ZDHHC18: variants seen among roughly 807,000 people sequenced by gnomAD.
ZDHHC18 encodes zDHHC palmitoyltransferase 18, also known as palmitoyltransferase ZDHHC18.
In ZDHHC18, 23 loss-of-function variants were observed where a neutral mutation model predicts 37.5. The observed-to-expected ratio is 0.61, with a 90% confidence interval of 0.44 to 0.87. ZDHHC18 has a LOEUF of 0.87. Ranked by LOEUF, ZDHHC18 falls within the 40% of genes least tolerant of loss-of-function variation. The probability of loss-of-function intolerance (pLI) is 0.00; values close to 1 mark genes in which losing one functional copy is unlikely to be tolerated. For synonymous variants in ZDHHC18, 185 were observed against 218.7 expected (o/e 0.85, Z 1.36); for missense variants, 406 against 525.6 (o/e 0.77, Z 2.22).
At chr1:26,828,470 G>A (rs1440320049) in intron 1 of ZDHHC18, among the ~76,000 whole-genome samples, 1 of 151,868 alleles carries the variant, frequency 6.6e-6, no homozygotes, top group Non-Finnish European at 1.5e-5. Flanking sequence ...CAAGCTTTTA[G>A]CCCAGTAACA....
chr1:26,829,507 CT>C lies in ZDHHC18; in HGVS notation c.335+2369del, dbSNP rs373653382. Among the ~76,000 whole-genome samples the C allele has an allele frequency of 7.2e-5, 11 of 152,244 alleles. No homozygotes were observed. In the South Asian group the frequency reaches 1.2e-3, roughly 17 times the overall value. ...CTCACTCTCTCACATTAGGCCTCCC[CT>C]GTCCATCCGCACAGCATAGCAAACC... is the stretch of plus-strand genomic sequence containing the variant. On this transcript the variant is annotated intron_variant, in intron 1 of 7. Transcript: ENST00000374142.
At position 26,853,783 on chromosome 1, in the gene ZDHHC18, A is replaced by C; in HGVS notation, c.1107A>C (p.Arg369Ser). Residue 369 changes from arginine to serine, a missense_variant, in exon 8 of 8, where the codon AGA (arginine) becomes AGC (serine). Physicochemically the swap from Arg to Ser is moderately radical, Grantham distance 110. Coordinates refer to ENST00000374142, the MANE Select transcript of ZDHHC18 (RefSeq NM_032283.3). Reference sequence around the variant, plus strand: ...ACACCGTGTTGCCCTCACCCATCAGAAGCGATGAGCCAGCCTGCAGAGCCA... The same window carrying C: ...ACACCGTGTTGCCCTCACCCATCAGCAGCGATGAGCCAGCCTGCAGAGCCA... Reference protein sequence around the residue: ...QSDTVLPSPIRSDEPACRAKP... With the variant: ...QSDTVLPSPISSDEPACRAKP... 1 of 1,614,018 alleles carries C rather than the reference A, an allele frequency of 6.2e-7. No individual in the cohort carries two copies. The highest frequency in any genetic ancestry group is 1.1e-5 in the South Asian group (1 of 91,082).
In ZDHHC18 at chr1:26,853,688, G is replaced by C. The variant is rs756017841; in HGVS notation, c.1050-38G>C. Reference sequence around the variant, plus strand: ...ACCCCTGGCCTAGAGCCTCAGTGTTGGGCAGAGCCCTCATGTGTCTCCCTT... The same window carrying C: ...ACCCCTGGCCTAGAGCCTCAGTGTTCGGCAGAGCCCTCATGTGTCTCCCTT... On this transcript the variant is annotated intron_variant, in intron 7 of 7. Coordinates refer to ENST00000374142, the MANE Select transcript of ZDHHC18 (RefSeq NM_032283.3). 4 of 1,593,532 alleles carry C rather than the reference G, an allele frequency of 2.5e-6. No individual in the cohort carries two copies. In the East Asian group the frequency reaches 8.9e-5, roughly 36 times the overall value.
chr1:26,827,171 G>GC, intron 1 of ZDHHC18, 32 bp downstream of exon 1: 1 of 1,243,356 alleles, frequency 8.0e-7, no homozygotes, highest in Non-Finnish European at 1.0e-6. Context: ...CCCCCTCCCA[G>GC]CCCCCTGCCG....
At position 26,856,110 on chromosome 1, in the gene ZDHHC18, C is replaced by T. The variant is rs572584492; in HGVS notation, c.*2267C>T. 1 of 417,106 alleles carries T rather than the reference C, an allele frequency of 2.4e-6. No individual in the cohort carries two copies. The highest frequency in any genetic ancestry group is 5.1e-6 in the Non-Finnish European group (1 of 196,210). The allele number at this position is 417,106 out of a possible 1,614,324, so 25.8% of individuals were successfully genotyped here. ...TTGAGAGCCGGAGCTTCCCTGGCTA[C>T]CACCTCCAACCTGGGCACCAGGGCC... is the stretch of plus-strand genomic sequence containing the variant. On this transcript the variant is annotated 3_prime_UTR_variant, in exon 8 of 8. Transcript: ENST00000374142. This position sits in a 1 kb window ranked among gnomAD's most constrained non-coding sequence, Gnocchi z 5.2.
Position 26,851,192 on chromosome 1 carries a change from CACGT to C in ZDHHC18, c.900_903del (p.Tyr301SerfsTer6). ...CCATTCTGGGCCTCTCAGGGTTTCACACGTACCTCGTCGCCTCCAACCTGACTAC... is the reference window on the plus strand; with the variant it reads ...CCATTCTGGGCCTCTCAGGGTTTCACACCTCGTCGCCTCCAACCTGACTAC... On this transcript the variant is annotated frameshift_variant, in exon 6 of 8. Transcript: ENST00000374142. LOFTEE classifies it high-confidence loss of function. The C allele has an allele frequency of 6.2e-7, 1 of 1,614,220 alleles. No individual in the cohort carries two copies. The highest frequency in any genetic ancestry group is 8.5e-7 in the Non-Finnish European group (1 of 1,180,026).
rs1426520972 is a variant in ZDHHC18, at chr1:26,848,672, G to A, written c.561G>A (p.Gln187=). 1 of 1,613,992 alleles carries A rather than the reference G, an allele frequency of 6.2e-7. No individual in the cohort carries two copies. The highest frequency in any genetic ancestry group is 1.3e-5 in the African/African-American group (1 of 74,920). Residue 187 remains glutamine, a synonymous_variant, in exon 3 of 8, where the codon CAG becomes CAA. Coordinates refer to ENST00000374142, the MANE Select transcript of ZDHHC18 (RefSeq NM_032283.3). The part of the protein sequence containing the change: ...PRTREVLING[Q]MVKLKYCFTC... ...CCCGGGAGGTGCTGATCAACGGGCA[G>A]ATGGTGAAGCTGAAGTACTGCTTCA...
intron 6 of ZDHHC18, among the ~76,000 whole-genome samples, chr1:26,851,799 T>C (rs1296303065): frequency 6.6e-6 from 1 of 152,176 alleles, no homozygotes; most frequent in Non-Finnish European, 1.5e-5. Flanking sequence ...CCCCTCTCAA[T>C]ATGCACGCCT....
chr1:26,850,547 T>C lies in ZDHHC18; in HGVS notation c.785-11T>C. The C allele has an allele frequency of 6.2e-7, 1 of 1,614,174 alleles. No individual in the cohort carries two copies. The highest frequency in any genetic ancestry group is 8.5e-7 in the Non-Finnish European group (1 of 1,180,016). On this transcript the variant is annotated splice_polypyrimidine_tract_variant and intron_variant, in intron 4 of 7. Coordinates refer to ENST00000374142, the MANE Select transcript of ZDHHC18 (RefSeq NM_032283.3). The surrounding 1 kb of genome is among the most constrained non-coding windows in gnomAD (Gnocchi z 6.1). ...CTCTGAGCTTGTCCTCTCCTGTTTC[T>C]TTCTCCCCAGGCGCTCAGGGAAGCA...
chr1:26,840,797 G>A (rs2081635103), intron 2 of ZDHHC18, among the ~76,000 whole-genome samples: 1 of 152,156 alleles, frequency 6.6e-6, no homozygotes, highest in Non-Finnish European at 1.5e-5. Flanking sequence ...CTGTCACCCA[G>A]GCTGGAATGC....
At chr1:26,851,044 C>A in intron 5 of ZDHHC18, 85 bp from the exon 6 acceptor site, 1 of 1,298,860 alleles carries the variant, frequency 7.7e-7, no homozygotes, top group Admixed American at 1.7e-5. Flanking sequence ...GGGGAAACAG[C>A]TCCATGGAAG....
At chr1:26,852,969 C>T in intron 7 of ZDHHC18, 104 bp downstream of exon 7, 1 of 897,724 alleles carries the variant, frequency 1.1e-6, no homozygotes, top group Non-Finnish European at 1.7e-6. Flanking sequence ...TAGATGCCCT[C>T]CGTCCACTAC....
rs114759298 is a variant in ZDHHC18, at chr1:26,851,561, C to T, written c.936+330C>T. On this transcript the variant is annotated intron_variant, in intron 6 of 7. Transcript: ENST00000374142. Reference sequence around the variant, plus strand: ...CCGCTTACAGAATTCTTTCAGTTCCCGTCATTTCTTTGGGTCCTTTTGCCA... The same window carrying T: ...CCGCTTACAGAATTCTTTCAGTTCCTGTCATTTCTTTGGGTCCTTTTGCCA... 5.2e-3 allele frequency among the ~76,000 whole-genome samples: 796 copies of T among 152,314 alleles called. 6 individuals carry two copies. The highest frequency in any genetic ancestry group is 7.9e-3 in the Non-Finnish European group (539 of 68,014).
chr1:26,845,707 A>T (rs1223390756), intron 2 of ZDHHC18, among the ~76,000 whole-genome samples: 1 of 152,008 alleles, frequency 6.6e-6, no homozygotes, highest in Admixed American at 6.6e-5. Context: ...TGAAAAAAAA[A>T]TTTAATTTTG....
chr1:26,850,279 A>G lies in ZDHHC18; in HGVS notation c.647-22A>G, dbSNP rs370964882. On this transcript the variant is annotated intron_variant, in intron 3 of 7. Transcript: ENST00000374142. This position sits in a 1 kb window ranked among gnomAD's most constrained non-coding sequence, Gnocchi z 6.1. ...GCTGCAGGCCAGCCCACACTAACCC[A>G]TCGCCCCTTGCCCTTGTCCAGAACG... is the stretch of plus-strand genomic sequence containing the variant. 1 of 1,612,754 alleles carries G rather than the reference A, an allele frequency of 6.2e-7. No homozygotes were observed. The highest frequency in any genetic ancestry group is 8.5e-7 in the Non-Finnish European group (1 of 1,179,474).
Position 26,827,113 on chromosome 1 carries a change from C to G in ZDHHC18, c.309C>G (p.Thr103=), listed in dbSNP as rs1291681643. 2 of 1,415,958 alleles carry G rather than the reference C, an allele frequency of 1.4e-6. No individual in the cohort carries two copies. The highest frequency in any genetic ancestry group is 1.8e-6 in the Non-Finnish European group (2 of 1,089,096). The allele number at this position is 1,415,958 out of a possible 1,614,324, so 87.7% of individuals were successfully genotyped here. A position where few individuals can be genotyped will look rare whatever the true frequency, so the allele number is the denominator to read the frequency against. ...VFALTLLLIL[T]TTGLFFVFDC... ...CGCTCACGCTGCTGCTCATCCTCAC[C>G]ACCACCGGCCTCTTCTTCGTCTTTG... Residue 103 remains threonine (T), a synonymous_variant, in exon 1 of 8, where the codon ACC becomes ACG. Transcript: ENST00000374142.
intron 2 of ZDHHC18, among the ~76,000 whole-genome samples, chr1:26,835,102 T>G (rs2124250835): frequency 6.6e-6 from 1 of 152,300 alleles, no homozygotes. Flanking sequence ...AGGCAGCCCT[T>G]CAGGCAGACA....
At chr1:26,834,457 G>A (rs150587201) in intron 2 of ZDHHC18, among the ~76,000 whole-genome samples, 238 of 152,218 alleles carry the variant, frequency 1.6e-3, no homozygotes, top group African/African-American at 5.5e-3. Context: ...ATGGCAGCAG[G>A]GACACATCTC....
At chr1:26,831,161 GA>G (rs1469194104) in intron 1 of ZDHHC18, among the ~76,000 whole-genome samples, 4 of 152,204 alleles carry the variant, frequency 2.6e-5, no homozygotes, top group Non-Finnish European at 5.9e-5. Context: ...ATACAGGAAA[GA>G]AAGAGCATTG....
Sources: gnomAD v4.1 joint callset for allele counts (sites outside exome capture counted in the v4.1 genomes callset) on GRCh38, gnomAD v4.1.1 for gene constraint, Gnocchi (gnomAD v3.1) non-coding constraint, MANE v1.5 for transcripts, NCBI Gene and HGNC (gene_info 2026-07-23, HGNC 2026-07-21) for gene names.